The following CDK14 variants were observed in gnomAD, a reference collection of about 807,000 sequenced individuals.
The protein encoded by CDK14 is cyclin-dependent kinase 14.
Under a neutral mutation model 60.7 loss-of-function variants are expected in CDK14, and 34 were observed. The ratio of observed to expected loss-of-function variants is 0.56; its 90% confidence interval spans 0.43 to 0.75. The LOEUF is 0.75. Among genes scored for constraint, CDK14 ranks in the 30% least tolerant of loss-of-function variants. The pLI, the probability that CDK14 is intolerant of heterozygous loss-of-function variation, is 0.00. For missense variants in CDK14, 482 were observed against 564.1 expected (o/e 0.85, Z 1.47); for synonymous variants, 197 against 203.7 (o/e 0.97, Z 0.28).
intron 10 of CDK14, among the ~76,000 whole-genome samples, chr7:90,991,639 G>T (rs918419100): frequency 7.2e-5 from 11 of 152,168 alleles, no homozygotes; most frequent in Admixed American, 1.3e-4. Flanking sequence ...GTAGTTTGTG[G>T]CACATTGTAT....
intron 14 of CDK14, among the ~76,000 whole-genome samples, chr7:91,160,119 G>A (rs1018744625): frequency 6.6e-6 from 1 of 152,144 alleles, no homozygotes; most frequent in Non-Finnish European, 1.5e-5. Context: ...ATGATACAAA[G>A]ATTTCCTTTA....
chr7:90,856,761 T>C (rs1167821948), intron 5 of CDK14, among the ~76,000 whole-genome samples: 2 of 152,284 alleles, frequency 1.3e-5, no homozygotes, highest in African/African-American at 4.8e-5. Context: ...AGTTTTACTA[T>C]TTGTAGTAAA....
chr7:91,095,402 A>G (rs1459309558), intron 12 of CDK14, among the ~76,000 whole-genome samples: 3 of 152,364 alleles, frequency 2.0e-5, no homozygotes, highest in Admixed American at 2.0e-4. Context: ...CCTGCAGGCC[A>G]GAGTTTGGGA....
chr7:90,721,287 C>T (rs1802442374), intron 2 of CDK14, among the ~76,000 whole-genome samples: 1 of 152,124 alleles, frequency 6.6e-6, no homozygotes, highest in African/African-American at 2.4e-5. Flanking sequence ...GGCTTACTCA[C>T]AGTTCTGTAT....
At chr7:90,741,917 C>G (rs1803364912) in intron 3 of CDK14, among the ~76,000 whole-genome samples, 1 of 151,866 alleles carries the variant, frequency 6.6e-6, no homozygotes, top group African/African-American at 2.4e-5. Context: ...AATTGTTTTT[C>G]AGGATTTTTC....
intron 14 of CDK14, among the ~76,000 whole-genome samples, chr7:91,186,126 TCCTCC>T (rs1445023128): frequency 3.9e-5 from 1 of 25,600 alleles, no homozygotes; most frequent in Non-Finnish European, 7.4e-5. Flanking sequence ...CCCTCTCCTC[TCCTCC>T]CCTCCCCTCT....
At chr7:90,948,715 T>C (rs1325762424) in intron 8 of CDK14, among the ~76,000 whole-genome samples, 1 of 152,260 alleles carries the variant, frequency 6.6e-6, no homozygotes, top group Non-Finnish European at 1.5e-5. Context: ...GACAAATGCC[T>C]GGCTCTCAGG....
chr7:90,803,837 C>G (rs1360198840), intron 5 of CDK14, among the ~76,000 whole-genome samples: 2 of 152,078 alleles, frequency 1.3e-5, no homozygotes, highest in African/African-American at 2.4e-5. Flanking sequence ...GTTGATGTTA[C>G]CATCTTCATT....
intron 9 of CDK14, among the ~76,000 whole-genome samples, chr7:90,959,143 G>A (rs1244377758): frequency 6.6e-6 from 1 of 152,124 alleles, no homozygotes; most frequent in African/African-American, 2.4e-5. Flanking sequence ...CACAAGAAGA[G>A]TAAGTGGAAA....
intron 6 of CDK14, among the ~76,000 whole-genome samples, chr7:90,875,761 G>A (rs1037751189): frequency 6.6e-6 from 1 of 151,144 alleles, no homozygotes; most frequent in Non-Finnish European, 1.5e-5. Context: ...TTTCTCTCCC[G>A]TTTTCTAATT....
chr7:90,954,127 G>C (rs1794338278), intron 8 of CDK14, among the ~76,000 whole-genome samples: 1 of 152,050 alleles, frequency 6.6e-6, no homozygotes, highest in Admixed American at 6.6e-5. Context: ...GTATACCATT[G>C]CATTATTATT....
chr7:91,009,918 G>A (rs77707969), intron 10 of CDK14, among the ~76,000 whole-genome samples: 4 of 152,134 alleles, frequency 2.6e-5, no homozygotes, highest in African/African-American at 7.2e-5. Context: ...TAGGTTTTAT[G>A]TTTAGGTCTA....
At chr7:90,851,758 A>G (rs937716474) in intron 5 of CDK14, among the ~76,000 whole-genome samples, 1 of 142,998 alleles carries the variant, frequency 7.0e-6, no homozygotes, top group Admixed American at 7.0e-5. Context: ...CCCCTTTGTC[A>G]TTTTCTTGAA....
intron 11 of CDK14, among the ~76,000 whole-genome samples, chr7:91,061,648 G>A (rs1440555783): frequency 6.6e-6 from 1 of 152,150 alleles, no homozygotes; most frequent in Non-Finnish European, 1.5e-5. Flanking sequence ...GGTCTGTTGA[G>A]GTTTGCTGGA....
At chr7:91,008,663 T>G (rs1796062880) in intron 10 of CDK14, among the ~76,000 whole-genome samples, 1 of 152,166 alleles carries the variant, frequency 6.6e-6, no homozygotes, top group Non-Finnish European at 1.5e-5. Flanking sequence ...GTTTTTCTTT[T>G]TCTGTCAGGA....
chr7:90,934,292 A>G (rs1377720425), intron 8 of CDK14, among the ~76,000 whole-genome samples: 1 of 152,276 alleles, frequency 6.6e-6, no homozygotes, highest in Non-Finnish European at 1.5e-5. Context: ...GCCCTGAGCC[A>G]GGTGCCAGCA....
chr7:90,734,611 T>A (rs1420447652), intron 3 of CDK14, among the ~76,000 whole-genome samples: 1 of 152,110 alleles, frequency 6.6e-6, no homozygotes, highest in Non-Finnish European at 1.5e-5. Context: ...CAGCTATTGA[T>A]ACTTGTGTAT....
chr7:91,087,588 T>C lies in CDK14; in HGVS notation c.1154+8108T>C, dbSNP rs150798315. On this transcript the variant is annotated intron_variant, in intron 12 of 14. Coordinates refer to ENST00000380050, the MANE Select transcript of CDK14 (RefSeq NM_001287135.2). Reference sequence around the variant, plus strand: ...CTTTAAGTAAGGTAAGGGTATAAATTACTGGGTACCTTACTAGACACAGTC... The same window carrying C: ...CTTTAAGTAAGGTAAGGGTATAAATCACTGGGTACCTTACTAGACACAGTC... Among the ~76,000 whole-genome samples the C allele has an allele frequency of 3.9e-5, 6 of 152,296 alleles. No homozygotes were observed. The East Asian group carries it at 1.2e-3, about 29-fold the overall frequency.
chr7:90,880,082 G>C (rs980093611), intron 6 of CDK14, among the ~76,000 whole-genome samples: 6 of 152,246 alleles, frequency 3.9e-5, no homozygotes, highest in Admixed American at 1.3e-4. Context: ...GACTCCCATG[G>C]GGAGATGCGA....
Sources: allele counts gnomAD v4.1 joint callset (sites outside exome capture counted in the v4.1 genomes callset), GRCh38; gene constraint gnomAD v4.1.1; transcripts MANE v1.5; gene names NCBI Gene and HGNC (gene_info 2026-07-23, HGNC 2026-07-21).